TMEM108: variants seen among roughly 807,000 people sequenced by gnomAD.
The protein encoded by TMEM108 is transmembrane protein 108.
A neutral mutation model predicts 35.1 loss-of-function variants in TMEM108; 12 were observed. The ratio of observed to expected loss-of-function variants is 0.34; its 90% CI spans 0.22 to 0.55. TMEM108 has a LOEUF of 0.55. TMEM108 is among the 20% of genes least tolerant of loss of function. The pLI is 0.89. For synonymous variants in TMEM108, 287 were observed against 308.6 expected, an observed-to-expected ratio of 0.93 and a Z score of 0.73; for missense variants, 680 against 753.3, an observed-to-expected ratio of 0.90 and a Z score of 1.14.
intron 3 of TMEM108, among the ~76,000 whole-genome samples, chr3:133,231,218 A>T (rs1946148798): frequency 6.6e-6 from 1 of 152,196 alleles, no homozygotes; most frequent in Non-Finnish European, 1.5e-5. Flanking sequence ...TATATTTTAT[A>T]TAACTCATGA....
At chr3:133,237,904 A>G (rs1946261226) in intron 3 of TMEM108, among the ~76,000 whole-genome samples, 1 of 152,198 alleles carries the variant, frequency 6.6e-6, no homozygotes, top group Non-Finnish European at 1.5e-5. Flanking sequence ...AAATACCAAT[A>G]GATATAACCT....
chr3:133,076,184 A>G (rs1327761560), intron 2 of TMEM108, among the ~76,000 whole-genome samples: 3 of 151,356 alleles, frequency 2.0e-5, no homozygotes, highest in East Asian at 3.9e-4. Flanking sequence ...ATGTGGGCAA[A>G]TTTTTTTATC....
At chr3:133,194,225 A>G (rs1256596933) in intron 2 of TMEM108, among the ~76,000 whole-genome samples, 1 of 152,148 alleles carries the variant, frequency 6.6e-6, no homozygotes, top group Admixed American at 6.6e-5. Context: ...ATGATCCACC[A>G]TGCCCAGCTG....
chr3:133,395,070 A>G (rs2073286507), intron 5 of TMEM108, among the ~76,000 whole-genome samples: 1 of 152,234 alleles, frequency 6.6e-6, no homozygotes, highest in Non-Finnish European at 1.5e-5. Flanking sequence ...AGTAGCCCGT[A>G]AATGTTTGCT....
At chr3:133,148,415 G>C (rs1321186932) in intron 2 of TMEM108, among the ~76,000 whole-genome samples, 1 of 152,082 alleles carries the variant, frequency 6.6e-6, no homozygotes, top group African/African-American at 2.4e-5. Context: ...CAGAGAGTCT[G>C]GTTTTGTTGT....
At chr3:133,342,544 G>GTGTATATATATATATA (rs1437254898) in intron 3 of TMEM108, among the ~76,000 whole-genome samples, 574 of 46,636 alleles carry the variant, frequency 0.012, 114 homozygotes, top group East Asian at 0.077. Flanking sequence ...AGAAAATGTG[G>GTGTATATATATATATA]TATATATATA....
In TMEM108 at chr3:133,371,064, A is replaced by G. The variant is rs1052116964; in HGVS notation, c.41-8688A>G. The stretch of plus-strand genomic sequence containing the variant: ...TCCCTTCTCTGAGTCTGGTCAGGAA[A>G]GGAGGACAGTAAGGAAACCCAAGTT... On this transcript the variant is annotated intron_variant, in intron 3 of 5. Coordinates refer to ENST00000321871, the MANE Select transcript of TMEM108 (RefSeq NM_023943.4). 1.4e-4 allele frequency among the ~76,000 whole-genome samples: 22 copies of G among 152,174 alleles called. 1 individual carries two copies. Among genetic ancestry groups the G allele is most frequent in the Non-Finnish European group, 7.3e-5 (5 of 68,032 alleles).
rs75243253 is a variant in TMEM108, at chr3:133,063,511, A to G, written c.-47+17491A>G. Among the ~76,000 whole-genome samples, 1,048 of 152,234 alleles carry G rather than the reference A, an allele frequency of 6.9e-3. 6 individuals are homozygous for G. The highest frequency in any genetic ancestry group is 0.02 in the African/African-American group (831 of 41,528). Reference sequence around the variant, plus strand: ...GAGCAGTGGGATCTTGCTAATGACTATAAGTTCCAGACAGCACAGGGAAAG... The same window carrying G: ...GAGCAGTGGGATCTTGCTAATGACTGTAAGTTCCAGACAGCACAGGGAAAG... On this transcript the variant is annotated intron_variant, in intron 2 of 5. Coordinates refer to ENST00000321871, the MANE Select transcript of TMEM108 (RefSeq NM_023943.4).
At chr3:133,057,343 T>TAAATTTTTTG (rs1553727926) in intron 2 of TMEM108, among the ~76,000 whole-genome samples, 1 of 150,226 alleles carries the variant, frequency 6.7e-6, no homozygotes, top group Non-Finnish European at 1.5e-5. Flanking sequence ...TAAATTTTTT[T>TAAATTTTTTG]TCTACTCAAA....
At chr3:133,339,686 T>C (rs893522021) in intron 3 of TMEM108, among the ~76,000 whole-genome samples, 1 of 152,046 alleles carries the variant, frequency 6.6e-6, no homozygotes, top group East Asian at 1.9e-4. Flanking sequence ...TTCTAAAGAA[T>C]AGACCATGTG....
intron 2 of TMEM108, among the ~76,000 whole-genome samples, chr3:133,077,189 C>A (rs749454701): frequency 6.6e-6 from 1 of 152,136 alleles, no homozygotes; most frequent in Non-Finnish European, 1.5e-5. Flanking sequence ...GCTGTGCTGG[C>A]GGTGAGCAGA....
chr3:133,147,686 G>T (rs1944741698), intron 2 of TMEM108, among the ~76,000 whole-genome samples: 1 of 152,116 alleles, frequency 6.6e-6, no homozygotes, highest in South Asian at 2.1e-4. Context: ...ACTACCTATT[G>T]CTGAGAAGAT....
chr3:133,189,035 C>T (rs1026173400), intron 2 of TMEM108, among the ~76,000 whole-genome samples: 8 of 152,184 alleles, frequency 5.3e-5, no homozygotes, highest in African/African-American at 1.9e-4. Flanking sequence ...ATGGCCCCAC[C>T]TAACTGCAAG....
intron 3 of TMEM108, among the ~76,000 whole-genome samples, chr3:133,272,272 CGTGTGTGTGTGTGT>C (rs3078833): frequency 2.2e-5 from 3 of 137,838 alleles, no homozygotes; most frequent in African/African-American, 8.0e-5. Flanking sequence ...CATACACGTA[CGTGTGTGTGTGTGT>C]GTGTGTGTGT....
intron 2 of TMEM108, among the ~76,000 whole-genome samples, chr3:133,208,332 A>G (rs1225426592): frequency 6.6e-6 from 1 of 152,148 alleles, no homozygotes; most frequent in Non-Finnish European, 1.5e-5. Flanking sequence ...GGAATGATGA[A>G]AGCCAGCCTA....
intron 2 of TMEM108, among the ~76,000 whole-genome samples, chr3:133,110,045 A>G (rs905291320): frequency 6.6e-6 from 1 of 152,136 alleles, no homozygotes. Context: ...CCTCTATTTT[A>G]GCTTCCACTG....
intron 2 of TMEM108, among the ~76,000 whole-genome samples, chr3:133,110,507 A>ATTTC (rs1415623902): frequency 6.6e-6 from 1 of 152,154 alleles, no homozygotes; most frequent in Non-Finnish European, 1.5e-5. Flanking sequence ...TGTTCGTGAC[A>ATTTC]TTTCTAGTTG....
intron 2 of TMEM108, among the ~76,000 whole-genome samples, chr3:133,117,978 A>G (rs974163878): frequency 2.0e-5 from 3 of 152,046 alleles, no homozygotes; most frequent in African/African-American, 4.8e-5. Flanking sequence ...TTTAGAATCT[A>G]TTATGAGGCC....
intron 2 of TMEM108, among the ~76,000 whole-genome samples, chr3:133,174,446 C>T (rs1945179960): frequency 1.3e-5 from 2 of 152,162 alleles, no homozygotes; most frequent in South Asian, 4.1e-4. Flanking sequence ...CAGACTGACA[C>T]CTCACATGGC....
Sources: allele counts gnomAD v4.1 joint callset (sites outside exome capture counted in the v4.1 genomes callset), GRCh38; gene constraint gnomAD v4.1.1; transcripts MANE v1.5; gene names NCBI Gene and HGNC (gene_info 2026-07-23, HGNC 2026-07-21).